The following SAFB2 variants were observed in gnomAD, a reference collection of about 807,000 sequenced individuals.
SAFB2 encodes the protein scaffold attachment factor B2.
A neutral mutation model predicts 100.6 loss-of-function variants in SAFB2; 32 were observed. The observed-to-expected ratio is 0.32, with a 90% CI of 0.24 to 0.43. SAFB2 has a LOEUF of 0.43. SAFB2 is among the 20% of genes least tolerant of loss of function. The pLI is 1.00. For synonymous variants in SAFB2, 500 were observed against 439.4 expected (o/e 1.14, Z -1.72); for missense variants, 1,185 against 1,163.4 (o/e 1.02, Z -0.27).
At chr19:5,592,704 G>T in intron 16 of SAFB2, 43 bp downstream of exon 16, 2 of 1,609,110 alleles carry the variant, frequency 1.2e-6, no homozygotes, top group Non-Finnish European at 1.7e-6. Flanking sequence ...ATGCCCCGGT[G>T]CCCACAATGA....
At chr19:5,597,550 T>C (rs933066434) in intron 13 of SAFB2, among the ~76,000 whole-genome samples, 1 of 152,178 alleles carries the variant, frequency 6.6e-6, no homozygotes, top group Non-Finnish European at 1.5e-5. Context: ...ACATCCTCTG[T>C]CTGTGGTCCC....
In SAFB2 at chr19:5,587,483, C is replaced by G. The variant is rs185370662; in HGVS notation, c.2706-84G>C. 5 of 1,505,568 alleles carry G rather than the reference C, an allele frequency of 3.3e-6. No homozygotes were observed. The highest frequency in any genetic ancestry group is 4.5e-6 in the Non-Finnish European group (5 of 1,120,360). The allele number at this position is 1,505,568 out of a possible 1,614,324, so 93.3% of individuals were successfully genotyped here. On this transcript the variant is annotated intron_variant, in intron 20 of 20. Coordinates refer to ENST00000252542, the MANE Select transcript of SAFB2 (RefSeq NM_014649.3). This position sits in a 1 kb window ranked among gnomAD's most constrained non-coding sequence, Gnocchi z 4.9. Reference sequence around the variant, plus strand: ...CATGGGTTCAGTAACGGTCCCGCAGCCTTTAGAGCGCTTGGGTTTTTTTTC... The same window carrying G: ...CATGGGTTCAGTAACGGTCCCGCAGGCTTTAGAGCGCTTGGGTTTTTTTTC...
intron 9 of SAFB2, among the ~76,000 whole-genome samples, chr19:5,609,281 G>A (rs372811258): frequency 6.8e-6 from 1 of 146,466 alleles, no homozygotes; most frequent in Non-Finnish European, 1.5e-5. Context: ...TGATATGAAA[G>A]TCAATTATTC....
chr19:5,608,272 A>T (rs557651681), intron 9 of SAFB2, among the ~76,000 whole-genome samples: 1 of 152,172 alleles, frequency 6.6e-6, no homozygotes, highest in South Asian at 2.1e-4. Flanking sequence ...TCCCCAACAC[A>T]CTGACGGCGT....
chr19:5,604,759 G>A lies in SAFB2; in HGVS notation c.1446+28C>T, dbSNP rs538777618. 68 of 1,613,838 alleles carry A rather than the reference G, an allele frequency of 4.2e-5. 1 individual carries two copies. The South Asian group carries it at 4.3e-4, about 10-fold the overall frequency. On this transcript the variant is annotated intron_variant, in intron 10 of 20. Coordinates refer to ENST00000252542, the MANE Select transcript of SAFB2 (RefSeq NM_014649.3). ...CTTCTCACTTGCAAACTCCATTTGC[G>A]AGTTACCATAGACGAGAACTGCCTC...
At chr19:5,591,880 T>C (rs1167420318) in intron 16 of SAFB2, 87 bp from the exon 17 acceptor site, 4 of 1,257,466 alleles carry the variant, frequency 3.2e-6, no homozygotes, top group Non-Finnish European at 4.6e-6. Flanking sequence ...CTGGGATACT[T>C]TTTCCATCCC....
intron 8 of SAFB2, 44 bp from the exon 9 acceptor site, chr19:5,610,139 C>T (rs1329887071): frequency 6.7e-7 from 1 of 1,502,854 alleles, no homozygotes; most frequent in African/African-American, 1.4e-5. Context: ...CAAGGCCTAA[C>T]AGGAAGCACA....
At chr19:5,588,005 A>C (rs1452246336) in intron 18 of SAFB2, 25 bp from the exon 19 acceptor site, 2 of 1,598,902 alleles carry the variant, frequency 1.3e-6, no homozygotes, top group South Asian at 2.2e-5. Flanking sequence ...AAAGACATGC[A>C]GCCATCTAAT....
At position 5,600,176 on chromosome 19, in the gene SAFB2, A is replaced by T; in HGVS notation, c.1644T>A (p.Asp548Glu). 6.2e-7 allele frequency: 1 copy of T among 1,614,036 alleles called. No individual in the cohort carries two copies. The highest frequency in any genetic ancestry group is 1.1e-5 in the South Asian group (1 of 91,068). The change falls in exon 12 of 21, where the codon GAT becomes GAA. Residue 548 changes from aspartate (D) to glutamate (E), a missense_variant. This residue lies in a region of SAFB2 where 740 missense variants were observed against 687.1 expected (regional missense o/e 1.08). Coordinates refer to ENST00000252542, the MANE Select transcript of SAFB2 (RefSeq NM_014649.3). ...EDIKKEEKDQ[D>E]ELKPGPTNRS... ...GATTTGTAGGTCCGGGTTTCAGCTC[A>T]TCCTGGTCTTTTTCTTCCTTCTTAA...
intron 12 of SAFB2, 94 bp downstream of exon 12, chr19:5,600,036 A>C (rs1053936597): frequency 2.3e-6 from 3 of 1,321,368 alleles, no homozygotes; most frequent in Non-Finnish European, 3.1e-6. Context: ...CAGCCATGTC[A>C]CCAGAGCTTG....
rs143645068 is a variant in SAFB2, at chr19:5,616,363, G to A, written c.340-28C>T. ...GTAAAGAGGAAGAAGAATCGTTAAC[G>A]ACCACCTGGACCAGGACAGGGAGCT... On this transcript the variant is annotated intron_variant, in intron 3 of 20. Transcript: ENST00000252542. The A allele has an allele frequency of 1.1e-4, 183 of 1,613,712 alleles. 1 individual carries two copies. In the East Asian group the frequency reaches 2.6e-3, roughly 23 times the overall value.
intron 4 of SAFB2, among the ~76,000 whole-genome samples, chr19:5,615,869 A>G (rs1599276999): frequency 6.6e-6 from 1 of 152,190 alleles, no homozygotes; most frequent in South Asian, 2.1e-4. Flanking sequence ...GAAAAGAAAA[A>G]TCTTTTATGT....
intron 1 of SAFB2, 102 bp downstream of exon 1, chr19:5,622,428 G>A (rs2053183241): frequency 5.6e-6 from 7 of 1,256,440 alleles, no homozygotes; most frequent in East Asian, 2.9e-5. Flanking sequence ...CCAAGACGCG[G>A]GGCGAACCCA....
chr19:5,615,701 C>T (rs1251934447), intron 4 of SAFB2, among the ~76,000 whole-genome samples: 1 of 152,138 alleles, frequency 6.6e-6, no homozygotes, highest in Admixed American at 6.5e-5. Context: ...GACCCTGTCT[C>T]TAAATAAATA....
At position 5,609,923 on chromosome 19, in the gene SAFB2, C is replaced by A. The variant is rs12151073; in HGVS notation, c.1296+72G>T. 1,776 of 1,327,154 alleles carry A rather than the reference C, an allele frequency of 1.3e-3. 4 individuals carry two copies. Among genetic ancestry groups the A allele is most frequent in the Non-Finnish European group, 1.5e-3 (1,433 of 939,186 alleles). The allele number at this position is 1,327,154 out of a possible 1,614,324, so 82.2% of individuals were successfully genotyped here. A position where few individuals can be genotyped will look rare whatever the true frequency, so the allele number is the denominator to read the frequency against. Reference sequence around the variant, plus strand: ...AAACTGCTGGGATTATAGACGTGAACCACCGTGCCCAGCAGAGCTTCCTTT... The same window carrying A: ...AAACTGCTGGGATTATAGACGTGAAACACCGTGCCCAGCAGAGCTTCCTTT... On this transcript the variant is annotated intron_variant, in intron 9 of 20. Coordinates refer to ENST00000252542, the MANE Select transcript of SAFB2 (RefSeq NM_014649.3).
chr19:5,595,522 A>T (rs760254330), intron 13 of SAFB2, 25 bp from the exon 14 acceptor site: 1 of 1,610,690 alleles, frequency 6.2e-7, no homozygotes, highest in African/African-American at 1.3e-5. Flanking sequence ...TGGTTTATTA[A>T]TGTCAGGAAA....
At chr19:5,619,113 T>C (rs2053091332) in intron 2 of SAFB2, among the ~76,000 whole-genome samples, 1 of 152,218 alleles carries the variant, frequency 6.6e-6, no homozygotes, top group Admixed American at 6.5e-5. Flanking sequence ...GAAAATTAAC[T>C]GGTGAATTCC....
intron 13 of SAFB2, chr19:5,598,581 C>T (rs554954315): frequency 3.5e-6 from 2 of 574,316 alleles, no homozygotes; most frequent in Admixed American, 5.7e-5. Flanking sequence ...CGGTCAGGAG[C>T]CAGTAAGGGA....
intron 2 of SAFB2, 148 bp from the exon 3 acceptor site, chr19:5,616,634 A>AT: frequency 2.2e-5 from 11 of 510,292 alleles, no homozygotes; most frequent in Admixed American, 3.8e-5. Flanking sequence ...TTTTGTCTCA[A>AT]TTTGTTTTCT....
Sources: gnomAD v4.1 joint callset for allele counts (sites outside exome capture counted in the v4.1 genomes callset) on GRCh38, gnomAD v4.1.1 for gene constraint, gnomAD v4.1.1 regional missense constraint, Gnocchi (gnomAD v3.1) non-coding constraint, MANE v1.5 for transcripts, NCBI Gene and HGNC (gene_info 2026-07-23, HGNC 2026-07-21) for gene names.